LAMA3: variants seen among roughly 807,000 people sequenced by gnomAD.
LAMA3 encodes the protein laminin subunit alpha-3.
LAMA3 carries 281 observed loss-of-function variants against 402.0 expected under a neutral mutation model. The observed-to-expected ratio is 0.70, with a 90% confidence interval of 0.63 to 0.77. The LOEUF (loss-of-function observed/expected upper bound fraction) is 0.77. Ranked by LOEUF, LAMA3 falls within the 30% of genes least tolerant of loss-of-function variation. The probability of loss-of-function intolerance (pLI) is 0.00; values close to 1 mark genes in which losing one functional copy is unlikely to be tolerated. For synonymous variants in LAMA3, 1,431 were observed against 1,558.4 expected, an observed-to-expected ratio of 0.92 and a Z score of 1.93; for missense variants, 3,840 against 4,215.5, an observed-to-expected ratio of 0.91 and a Z score of 2.47.
chr18:23,865,774 C>A (rs969631111), intron 36 of LAMA3, among the ~76,000 whole-genome samples: 1 of 152,106 alleles, frequency 6.6e-6, no homozygotes, highest in African/African-American at 2.4e-5. Flanking sequence ...GGGGCAGGGA[C>A]AAAGGCTAAC....
chr18:23,842,753 G>A lies in LAMA3; in HGVS notation c.3603+3G>A. ...CAGAAGGAAAGTCCTTGGTTTTGGTGCGTTCCACTCGTTCCTCAACTTGCT... is the reference window on the plus strand; with the variant it reads ...CAGAAGGAAAGTCCTTGGTTTTGGTACGTTCCACTCGTTCCTCAACTTGCT... On this transcript the variant is annotated splice_donor_region_variant and intron_variant, in intron 29 of 74. Transcript: ENST00000313654. The A allele has an allele frequency of 3.7e-6, 6 of 1,614,142 alleles. No homozygotes were observed. The highest frequency in any genetic ancestry group is 1.1e-5 in the South Asian group (1 of 91,074).
rs1399124975 is a variant in LAMA3, at chr18:23,912,709, A to G, written c.7159-2A>G. The G allele has an allele frequency of 1.2e-6, 2 of 1,613,156 alleles. No homozygotes were observed. The highest frequency in any genetic ancestry group is 1.7e-6 in the Non-Finnish European group (2 of 1,179,182). ...TGACACCATGTAACTTACTCCTCAC[A>G]GGTTGCTGTCCCCATGAGGTTCAAT... is the stretch of plus-strand genomic sequence containing the variant. On this transcript the variant is annotated splice_acceptor_variant, in intron 55 of 74. Transcript: ENST00000313654. LOFTEE classifies it high-confidence loss of function.
chr18:23,953,046 G>C lies in LAMA3; in HGVS notation c.9793G>C (p.Ala3265Pro). Reference sequence around the variant, plus strand: ...ACTGGACACAGACAGTAGCTACACAGCTGGACAGATCCCCTTCCCACCTGC... The same window carrying C: ...ACTGGACACAGACAGTAGCTACACACCTGGACAGATCCCCTTCCCACCTGC... Reference protein sequence around the residue: ...LELDTDSSYTAGQIPFPPAST... With the variant: ...LELDTDSSYTPGQIPFPPAST... The change falls in exon 74 of 75, where the codon GCT (alanine) becomes CCT (proline). Residue 3265 changes from alanine to proline, a missense_variant. Ala to Pro is a conservative substitution (Grantham distance 27, BLOSUM62 -1). Transcript: ENST00000313654. The C allele has an allele frequency of 6.2e-7, 1 of 1,614,110 alleles. No homozygotes were observed.
At chr18:23,778,090 C>T (rs2062362137) in intron 11 of LAMA3, among the ~76,000 whole-genome samples, 1 of 152,158 alleles carries the variant, frequency 6.6e-6, no homozygotes, top group Admixed American at 6.5e-5. Flanking sequence ...CCCTCTGGCA[C>T]TTACAGCTTG....
At chr18:23,860,650 T>C (rs1270099537) in intron 34 of LAMA3, among the ~76,000 whole-genome samples, 1 of 152,080 alleles carries the variant, frequency 6.6e-6, no homozygotes, top group Non-Finnish European at 1.5e-5. Flanking sequence ...CTTGCCTTCT[T>C]TGTGTGAGTC....
At chr18:23,895,106 G>A (rs763437260) in intron 44 of LAMA3, 48 bp downstream of exon 44, 46 of 1,544,722 alleles carry the variant, frequency 3.0e-5, no homozygotes, top group Non-Finnish European at 3.9e-5. Context: ...GAGATGCTGC[G>A]GGAGTGGATT....
chr18:23,914,296 C>T, intron 56 of LAMA3, 114 bp from the exon 57 acceptor site: 1 of 1,056,234 alleles, frequency 9.5e-7, no homozygotes. Flanking sequence ...TTCTGTCTCT[C>T]CAAGGCTTAT....
intron 1 of LAMA3, among the ~76,000 whole-genome samples, chr18:23,696,710 G>C (rs927164240): frequency 1.3e-5 from 2 of 152,310 alleles, no homozygotes; most frequent in Non-Finnish European, 2.9e-5. Flanking sequence ...ATGTTGCCTA[G>C]GCTGGTCTTG....
chr18:23,793,094 G>A (rs1326329408), intron 12 of LAMA3, among the ~76,000 whole-genome samples: 2 of 152,154 alleles, frequency 1.3e-5, no homozygotes, highest in African/African-American at 4.8e-5. Context: ...CCACATTAAG[G>A]AATGGGCAGG....
At chr18:23,765,960 G>T (rs62093359) in intron 8 of LAMA3, among the ~76,000 whole-genome samples, 25,712 of 151,938 alleles carry the variant, frequency 0.17, 3,197 homozygotes, top group East Asian at 0.57. Flanking sequence ...AGAGATTTGG[G>T]AACTGGTGAG....
chr18:23,899,101 TG>T (rs767948514), intron 46 of LAMA3, 36 bp downstream of exon 46: 9 of 1,521,170 alleles, frequency 5.9e-6, no homozygotes, highest in Non-Finnish European at 8.2e-6. Flanking sequence ...ACATTTTTTT[TG>T]GTTACATAAC....
intron 8 of LAMA3, among the ~76,000 whole-genome samples, chr18:23,768,510 G>A (rs1252275196): frequency 6.6e-6 from 1 of 152,200 alleles, no homozygotes; most frequent in African/African-American, 2.4e-5. Context: ...TCAGGTTGCA[G>A]AGAAAAGAGA....
chr18:23,718,453 T>G (rs2061150185), intron 2 of LAMA3, among the ~76,000 whole-genome samples: 1 of 152,178 alleles, frequency 6.6e-6, no homozygotes, highest in Non-Finnish European at 1.5e-5. Context: ...GTATGCAATG[T>G]GTAATGTTTC....
intron 32 of LAMA3, among the ~76,000 whole-genome samples, chr18:23,855,649 G>A (rs1469707259): frequency 6.6e-6 from 1 of 152,152 alleles, no homozygotes; most frequent in Non-Finnish European, 1.5e-5. Flanking sequence ...TGTGAGTTTA[G>A]TGGACACTTT....
intron 68 of LAMA3, among the ~76,000 whole-genome samples, 178 bp downstream of exon 68, chr18:23,939,564 C>CT (rs2082426757): frequency 6.6e-6 from 1 of 152,206 alleles, no homozygotes; most frequent in Non-Finnish European, 1.5e-5. Context: ...CTGCCATGTG[C>CT]TTTCCCAACA....
Position 23,815,477 on chromosome 18 carries a change from G to A in LAMA3, c.1951G>A (p.Asp651Asn). Residue 651 changes from aspartate to asparagine, a missense_variant, in exon 17 of 75, where the codon GAC (aspartate) becomes AAC (asparagine). Physicochemically the swap from Asp to Asn is conservative, Grantham distance 23 (BLOSUM62 1). Transcript: ENST00000313654. ...GCTCACTGTTCTGCAGGGAGATGGTGACTGTCACTGCAAGTCCCATGTGGG... is the reference window on the plus strand; with the variant it reads ...GCTCACTGTTCTGCAGGGAGATGGTAACTGTCACTGCAAGTCCCATGTGGG... ...GTGECRQGDG[D>N]CHCKSHVGGD... 6.2e-7 allele frequency: 1 copy of A among 1,613,208 alleles called. No homozygotes were observed. Among genetic ancestry groups the A allele is most frequent in the Non-Finnish European group, 8.5e-7 (1 of 1,179,116 alleles).
chr18:23,935,532 A>C lies in LAMA3; in HGVS notation c.8862+1597A>C, dbSNP rs1280796676. ...TAGCAGAGAGAATACAGCACAGCTT[A>C]GTGGTTAAGTACTGGACTCTGGAGT... is the stretch of plus-strand genomic sequence containing the variant. On this transcript the variant is annotated intron_variant, in intron 67 of 74. Coordinates refer to ENST00000313654, the MANE Select transcript of LAMA3 (RefSeq NM_198129.4). Among the ~76,000 whole-genome samples the C allele has an allele frequency of 2.6e-5, 4 of 152,212 alleles. No homozygotes were observed. The East Asian group carries it at 7.7e-4, about 29-fold the overall frequency.
chr18:23,846,712 A>G (rs2063824374), intron 31 of LAMA3, among the ~76,000 whole-genome samples: 1 of 152,224 alleles, frequency 6.6e-6, no homozygotes, highest in Non-Finnish European at 1.5e-5. Flanking sequence ...CTGCTGGTCC[A>G]TGGACCGCAC....
At chr18:23,728,937 G>C (rs1172693492) in intron 2 of LAMA3, among the ~76,000 whole-genome samples, 1 of 151,106 alleles carries the variant, frequency 6.6e-6, no homozygotes, top group Admixed American at 6.6e-5. Context: ...AGGCTGAGAC[G>C]GGGTAATCGC....
Sources: gnomAD v4.1 joint callset for allele counts (sites outside exome capture counted in the v4.1 genomes callset) on GRCh38, gnomAD v4.1.1 for gene constraint, MANE v1.5 for transcripts, NCBI Gene and HGNC (gene_info 2026-07-23, HGNC 2026-07-21) for gene names.